Variants in FKBP5 observed in about 807,000 individuals in gnomAD.
FKBP5 encodes peptidyl-prolyl cis-trans isomerase FKBP5.
A neutral mutation model predicts 50.5 loss-of-function variants in FKBP5; 23 were observed. That is an observed-to-expected ratio of 0.46 (90% CI 0.33 to 0.65). FKBP5 has a LOEUF of 0.65. Among genes scored for constraint, FKBP5 ranks in the 30% least tolerant of loss-of-function variants. The pLI is 0.02. For synonymous variants in FKBP5, 176 were observed against 190.6 expected (o/e 0.92, Z 0.63); for missense variants, 411 against 553.1 (o/e 0.74, Z 2.58).
intron 6 of FKBP5, among the ~76,000 whole-genome samples, chr6:35,592,535 T>C (rs929863445): frequency 1.5e-4 from 23 of 152,354 alleles, no homozygotes; most frequent in African/African-American, 5.3e-4. Context: ...TAGATGTATA[T>C]ACCTACTACC....
At chr6:35,719,322 G>C (rs1766565856) in intron 2 of FKBP5, among the ~76,000 whole-genome samples, 1 of 152,178 alleles carries the variant, frequency 6.6e-6, no homozygotes, top group Non-Finnish European at 1.5e-5. Flanking sequence ...CTGCGGTAGA[G>C]ACTGACTGGA....
chr6:35,635,336 G>T (rs1764279294), intron 3 of FKBP5, among the ~76,000 whole-genome samples: 2 of 152,028 alleles, frequency 1.3e-5, no homozygotes, highest in African/African-American at 4.8e-5. Flanking sequence ...GCCAGACATG[G>T]TGGCATGCAC....
chr6:35,620,366 A>G (rs1373323257), intron 3 of FKBP5, 92 bp from the exon 4 acceptor site: 2 of 1,290,634 alleles, frequency 1.5e-6, no homozygotes. Context: ...CCAGTTTTTC[A>G]TACTACATAC....
chr6:35,629,895 A>G (rs1764102838), intron 3 of FKBP5, among the ~76,000 whole-genome samples: 1 of 152,202 alleles, frequency 6.6e-6, no homozygotes, highest in South Asian at 2.1e-4. Context: ...AATTAAAAAA[A>G]TTAAATATTT....
chr6:35,605,267 TC>T (rs1763272076), intron 5 of FKBP5, among the ~76,000 whole-genome samples: 1 of 150,368 alleles, frequency 6.7e-6, no homozygotes, highest in Non-Finnish European at 1.5e-5. Flanking sequence ...ATGTTCAGAA[TC>T]AATCAGCATA....
At chr6:35,726,536 C>CCACACACACACACACA (rs10599241) in intron 1 of FKBP5, among the ~76,000 whole-genome samples, 3 of 139,350 alleles carry the variant, frequency 2.2e-5, no homozygotes, top group African/African-American at 5.5e-5. Flanking sequence ...TCCTCCTCCT[C>CCACACACACACACACA]CACACACACA....
rs186671203 is a variant in FKBP5, at chr6:35,700,536, C to A, written c.-20+19792G>T. On this transcript the variant is annotated intron_variant, in intron 2 of 11. Coordinates refer to the FKBP5 transcript ENST00000536438. The stretch of plus-strand genomic sequence containing the variant: ...AGGCCCCGAACTCCAAATTCATACC[C>A]TTAATCCCAAGAAGCTTTCAAAGGT... 2.7e-3 allele frequency among the ~76,000 whole-genome samples: 413 copies of A among 152,306 alleles called. 3 individuals are homozygous for A. The highest frequency in any genetic ancestry group is 7.0e-3 in the African/African-American group (292 of 41,566).
At chr6:35,687,854 C>A (rs960399512) in intron 1 of FKBP5, among the ~76,000 whole-genome samples, 2 of 152,186 alleles carry the variant, frequency 1.3e-5, no homozygotes, top group Non-Finnish European at 1.5e-5. Context: ...ACTGCAGAAC[C>A]CGATTTTAGA....
intron 1 of FKBP5, among the ~76,000 whole-genome samples, chr6:35,728,262 T>C (rs985081220): frequency 1.3e-5 from 2 of 152,138 alleles, no homozygotes; most frequent in Non-Finnish European, 2.9e-5. Flanking sequence ...GGCAGCTCCC[T>C]GGAACGGGAG....
At chr6:35,657,098 C>T (rs1458162126) in intron 1 of FKBP5, among the ~76,000 whole-genome samples, 2 of 151,264 alleles carry the variant, frequency 1.3e-5, no homozygotes, top group Non-Finnish European at 2.9e-5. Context: ...GCCTGTAGTC[C>T]CAGCTACTCG....
At chr6:35,581,880 G>C in intron 8 of FKBP5, 1 of 985,504 alleles carries the variant, frequency 1.0e-6, no homozygotes, top group Non-Finnish European at 1.2e-6. Flanking sequence ...CAAGCAGCGC[G>C]TACATCTCAC....
At chr6:35,639,083 A>G (rs953427846) in intron 2 of FKBP5, among the ~76,000 whole-genome samples, 3 of 152,250 alleles carry the variant, frequency 2.0e-5, no homozygotes, top group Non-Finnish European at 4.4e-5. Flanking sequence ...TTTTTAAAAT[A>G]TAAATCCATC....
intron 5 of FKBP5, among the ~76,000 whole-genome samples, chr6:35,618,450 T>C (rs908311573): frequency 5.3e-5 from 8 of 152,212 alleles, no homozygotes; most frequent in Non-Finnish European, 1.2e-4. Context: ...CTCTCTGCTG[T>C]AGCATTCATC....
At chr6:35,583,991 A>C (rs1762524674) in intron 8 of FKBP5, 1 of 985,280 alleles carries the variant, frequency 1.0e-6, no homozygotes, top group Non-Finnish European at 1.2e-6. Context: ...TCCCAGGAGA[A>C]GCACAAGGGG....
At chr6:35,658,381 CAA>C (rs777064065) in intron 1 of FKBP5, among the ~76,000 whole-genome samples, 75 of 103,708 alleles carry the variant, frequency 7.2e-4, no homozygotes, top group Admixed American at 7.0e-4. Context: ...GAGACTCCGT[CAA>C]AAAAAAAAAA....
In FKBP5 at chr6:35,649,573, T is replaced by C. The variant is rs149608122; in HGVS notation, c.-19-6730A>G. 1.4e-4 allele frequency among the ~76,000 whole-genome samples: 22 copies of C among 152,140 alleles called. No homozygotes were observed. In the East Asian group the frequency reaches 3.5e-3, roughly 24 times the overall value. Reference sequence around the variant, plus strand: ...GTAAGAACTGAAAATAAGAGAAAGGTAGCTTATTGTAAACATGAAAGTTAA... The same window carrying C: ...GTAAGAACTGAAAATAAGAGAAAGGCAGCTTATTGTAAACATGAAAGTTAA... On this transcript the variant is annotated intron_variant, in intron 1 of 10. Transcript: ENST00000357266.
chr6:35,696,602 A>C (rs999294089), intron 2 of FKBP5, among the ~76,000 whole-genome samples: 1 of 152,208 alleles, frequency 6.6e-6, no homozygotes, highest in Non-Finnish European at 1.5e-5. Context: ...AGTAAGACTT[A>C]ACGTTGTTAA....
At position 35,586,855 on chromosome 6, in the gene FKBP5, T is replaced by C. The variant is rs1762615258; in HGVS notation, c.840+179A>G. ...TAAAAGAGGAATCTGTACTTTTTTT[T>C]TTTTCCACATGATTGTTTTCTCACC... On this transcript the variant is annotated intron_variant, in intron 8 of 10. Coordinates refer to ENST00000357266, the MANE Select transcript of FKBP5 (RefSeq NM_004117.4). 2.8e-5 allele frequency: 40 copies of C among 1,448,880 alleles called. No homozygotes were observed. The South Asian group carries it at 5.7e-4, about 21-fold the overall frequency. The allele number at this position is 1,448,880 out of a possible 1,614,324, so 89.8% of individuals were successfully genotyped here. A position where few individuals can be genotyped will look rare whatever the true frequency, so the allele number is the denominator to read the frequency against.
chr6:35,658,063 T>C (rs1489547062), intron 1 of FKBP5, among the ~76,000 whole-genome samples: 1 of 146,052 alleles, frequency 6.8e-6, no homozygotes, highest in Non-Finnish European at 1.5e-5. Flanking sequence ...ACCCTGTTTC[T>C]ACTAAAAAAA....
Sources: allele counts gnomAD v4.1 joint callset (sites outside exome capture counted in the v4.1 genomes callset), GRCh38; gene constraint gnomAD v4.1.1; transcripts MANE v1.5; gene names NCBI Gene and HGNC (gene_info 2026-07-23, HGNC 2026-07-21).